The following FHIT variants were observed in gnomAD, a reference collection of about 807,000 sequenced individuals.
FHIT encodes the protein fragile histidine triad diadenosine triphosphatase.
Under a neutral mutation model 17.9 loss-of-function variants are expected in FHIT, and 19 were observed. The ratio of observed to expected loss-of-function variants is 1.06; its 90% confidence interval spans 0.74 to 1.56. FHIT has a LOEUF of 1.56. FHIT is among the 40% of genes most tolerant of loss of function. The pLI is 0.00. For synonymous variants in FHIT, 81 were observed against 69.7 expected, an observed-to-expected ratio of 1.16 and a Z score of -0.81; for missense variants, 248 against 189.2, an observed-to-expected ratio of 1.31 and a Z score of -1.82.
intron 5 of FHIT, among the ~76,000 whole-genome samples, chr3:60,066,978 C>A (rs1021267609): frequency 2.6e-5 from 4 of 152,038 alleles, no homozygotes; most frequent in Admixed American, 2.6e-4. Context: ...ACTGACACAG[C>A]GCTTCATGTT....
chr3:60,185,834 G>A (rs888398459), intron 5 of FHIT, among the ~76,000 whole-genome samples: 1 of 152,062 alleles, frequency 6.6e-6, no homozygotes, highest in Non-Finnish European at 1.5e-5. Flanking sequence ...CCTATTAATG[G>A]TATTGTCACA....
chr3:59,892,010 G>T (rs1703874574), intron 8 of FHIT, among the ~76,000 whole-genome samples: 1 of 152,190 alleles, frequency 6.6e-6, no homozygotes, highest in South Asian at 2.1e-4. Context: ...AAAAGCTACA[G>T]ATGCCATTCG....
At chr3:60,391,470 C>T (rs1701231302) in intron 5 of FHIT, among the ~76,000 whole-genome samples, 2 of 152,126 alleles carry the variant, frequency 1.3e-5, no homozygotes, top group African/African-American at 4.8e-5. Flanking sequence ...CTTAGCCCTT[C>T]ACATGCACTC....
chr3:59,882,196 A>G (rs769617049), intron 8 of FHIT, among the ~76,000 whole-genome samples: 1 of 146,406 alleles, frequency 6.8e-6, no homozygotes. Context: ...AGGAAATGCA[A>G]AATGTAAAAG....
chr3:60,609,452 A>C lies in FHIT; in HGVS notation c.-17-72473T>G, dbSNP rs185264720. Among the ~76,000 whole-genome samples, 626 of 151,994 alleles carry C rather than the reference A, an allele frequency of 4.1e-3. 1 individual carries two copies. The highest frequency in any genetic ancestry group is 6.9e-3 in the Non-Finnish European group (470 of 67,964). Reference sequence around the variant, plus strand: ...GTGATTCTCCTGCCTCAGCCTCCTGAGTAGCTGGGATTACAGGTGTGTGCC... The same window carrying C: ...GTGATTCTCCTGCCTCAGCCTCCTGCGTAGCTGGGATTACAGGTGTGTGCC... On this transcript the variant is annotated intron_variant, in intron 4 of 9. Coordinates refer to ENST00000492590, the MANE Select transcript of FHIT (RefSeq NM_002012.4).
intron 5 of FHIT, among the ~76,000 whole-genome samples, chr3:60,426,798 C>T (rs552704161): frequency 2.0e-5 from 3 of 152,128 alleles, no homozygotes; most frequent in Non-Finnish European, 4.4e-5. Context: ...CATGCAGTAG[C>T]ATGTTCAATT....
At chr3:59,983,525 A>T (rs1456795576) in intron 7 of FHIT, among the ~76,000 whole-genome samples, 1 of 152,176 alleles carries the variant, frequency 6.6e-6, no homozygotes, top group African/African-American at 2.4e-5. Context: ...TGTCTAATTT[A>T]TAAATTAAAC....
intron 5 of FHIT, among the ~76,000 whole-genome samples, chr3:60,489,871 C>A (rs2033991063): frequency 6.6e-6 from 1 of 152,098 alleles, no homozygotes; most frequent in South Asian, 2.1e-4. Context: ...GTTTCCCAGG[C>A]ACTGAACAGG....
chr3:60,942,276 G>A (rs1221979351), intron 3 of FHIT, among the ~76,000 whole-genome samples: 5 of 152,146 alleles, frequency 3.3e-5, no homozygotes, highest in African/African-American at 1.2e-4. Flanking sequence ...ATAATTAAAA[G>A]TATACAGTAG....
intron 3 of FHIT, among the ~76,000 whole-genome samples, chr3:60,823,629 G>T (rs1363912394): frequency 2.0e-5 from 3 of 152,178 alleles, no homozygotes; most frequent in African/African-American, 2.4e-5. Context: ...TTTAGAGGGA[G>T]CATGGCCCTG....
intron 2 of FHIT, among the ~76,000 whole-genome samples, chr3:61,149,679 A>G (rs1031140322): frequency 7.9e-5 from 12 of 151,500 alleles, no homozygotes; most frequent in Admixed American, 4.0e-4. Context: ...GGAGTTTGAG[A>G]CCAGCCTCAG....
chr3:61,223,324 C>T (rs76813029), intron 1 of FHIT, among the ~76,000 whole-genome samples: 1 of 152,268 alleles, frequency 6.6e-6, no homozygotes, highest in African/African-American at 2.4e-5. Flanking sequence ...CCAGAAGAAA[C>T]AATCTGAGAA....
At chr3:60,858,073 G>GA (rs1277249056) in intron 3 of FHIT, among the ~76,000 whole-genome samples, 5 of 152,272 alleles carry the variant, frequency 3.3e-5, no homozygotes, top group Non-Finnish European at 5.9e-5. Flanking sequence ...GATCAGGTAG[G>GA]TCCATGTTTG....
At chr3:60,493,326 A>G (rs903397882) in intron 5 of FHIT, among the ~76,000 whole-genome samples, 6 of 152,346 alleles carry the variant, frequency 3.9e-5, no homozygotes, top group Admixed American at 3.9e-4. Context: ...AAGTAGAATC[A>G]GCCTATATCC....
chr3:60,280,938 C>T (rs1707398938), intron 5 of FHIT, among the ~76,000 whole-genome samples: 1 of 23,026 alleles, frequency 4.3e-5, no homozygotes, highest in African/African-American at 1.6e-4. Flanking sequence ...TAGAAAAATC[C>T]TAAAAAATTG....
intron 3 of FHIT, among the ~76,000 whole-genome samples, chr3:60,948,893 T>C (rs920182900): frequency 6.6e-6 from 1 of 152,152 alleles, no homozygotes. Flanking sequence ...TCAACACCGC[T>C]CTTTTGTCTT....
intron 3 of FHIT, among the ~76,000 whole-genome samples, chr3:61,016,107 A>C (rs1012449203): frequency 3.3e-5 from 5 of 152,224 alleles, no homozygotes; most frequent in African/African-American, 1.2e-4. Flanking sequence ...TTTTCATAAA[A>C]GTTGTAAACA....
At chr3:60,972,042 G>C (rs376123611) in intron 3 of FHIT, among the ~76,000 whole-genome samples, 4 of 152,226 alleles carry the variant, frequency 2.6e-5, no homozygotes, top group African/African-American at 9.6e-5. Flanking sequence ...TGATGAATTT[G>C]CATCTGCTGC....
At chr3:59,919,834 T>C (rs1219716212) in intron 8 of FHIT, among the ~76,000 whole-genome samples, 2 of 152,190 alleles carry the variant, frequency 1.3e-5, no homozygotes, top group Admixed American at 6.5e-5. Context: ...CATCACTCCA[T>C]CGCTTCTGAT....
Sources: gnomAD v4.1 joint callset for allele counts (sites outside exome capture counted in the v4.1 genomes callset) on GRCh38, gnomAD v4.1.1 for gene constraint, MANE v1.5 for transcripts, NCBI Gene and HGNC (gene_info 2026-07-23, HGNC 2026-07-21) for gene names.